Variants in TRABD2B observed in about 807,000 individuals in gnomAD.
TRABD2B encodes metalloprotease TIKI2.
A neutral mutation model predicts 40.1 loss-of-function variants in TRABD2B; 14 were observed. The observed-to-expected ratio is 0.35, with a 90% CI of 0.23 to 0.55. TRABD2B has a LOEUF of 0.55. Ranked by LOEUF, TRABD2B falls within the 20% of genes least tolerant of loss-of-function variation. TRABD2B has a pLI of 0.90. For missense variants in TRABD2B, 541 were observed against 648.6 expected (o/e 0.83, Z 1.80); for synonymous variants, 263 against 277.0 (o/e 0.95, Z 0.50).
At chr1:47,896,516 TG>T (rs1363725595) in intron 2 of TRABD2B, among the ~76,000 whole-genome samples, 1 of 151,812 alleles carries the variant, frequency 6.6e-6, no homozygotes, top group Non-Finnish European at 1.5e-5. Context: ...TGGTGGGAAG[TG>T]GGGATGGAAA....
At chr1:47,799,173 G>C (rs1011814964) in intron 3 of TRABD2B, among the ~76,000 whole-genome samples, 6 of 152,140 alleles carry the variant, frequency 3.9e-5, no homozygotes, top group African/African-American at 1.4e-4. Context: ...TCAGCTTAGG[G>C]TCAGCCACAG....
chr1:47,775,540 G>GA lies in TRABD2B; in HGVS notation c.1080-102dup, dbSNP rs1479601816. On this transcript the variant is annotated intron_variant, in intron 5 of 6. Transcript: ENST00000606738. ...TCAGTGGGAGTTTGTCATGGCAGGA[G>GA]AAAGTGCCAGGGTGCCCCTGCTGGG... 4 of 1,168,998 alleles carry GA rather than the reference G, an allele frequency of 3.4e-6. No homozygotes were observed. The African/African-American group carries it at 6.3e-5, about 18-fold the overall frequency. 72.4% of individuals were successfully genotyped at this position (1,168,998 alleles called of 1,614,324 possible). A position where few individuals can be genotyped will look rare whatever the true frequency, so the allele number is the denominator to read the frequency against.
At chr1:47,775,823 C>G (rs1456311223) in intron 5 of TRABD2B, among the ~76,000 whole-genome samples, 2 of 152,004 alleles carry the variant, frequency 1.3e-5, no homozygotes, top group Admixed American at 1.3e-4. Flanking sequence ...GAAACAGAGA[C>G]AGGTGTGAGA....
At chr1:47,973,484 T>C (rs779858639) in intron 2 of TRABD2B, among the ~76,000 whole-genome samples, 35 of 152,214 alleles carry the variant, frequency 2.3e-4, no homozygotes, top group African/African-American at 2.7e-4. Flanking sequence ...ATGAACCACA[T>C]AGTACTTGAA....
chr1:47,949,471 G>A (rs1467492966), intron 2 of TRABD2B, among the ~76,000 whole-genome samples: 2 of 143,254 alleles, frequency 1.4e-5, no homozygotes, highest in Non-Finnish European at 3.0e-5. Context: ...GCAGTGGTGC[G>A]ATCTTGTCTC....
intron 2 of TRABD2B, among the ~76,000 whole-genome samples, chr1:47,894,661 T>C (rs1475227419): frequency 2.6e-5 from 4 of 152,148 alleles, no homozygotes; most frequent in African/African-American, 4.8e-5. Context: ...TGGGACCAAG[T>C]CATTGTGTCA....
At chr1:47,895,537 C>A (rs1410136281) in intron 2 of TRABD2B, among the ~76,000 whole-genome samples, 1 of 152,180 alleles carries the variant, frequency 6.6e-6, no homozygotes, top group Non-Finnish European at 1.5e-5. Context: ...TCTCGCTTCC[C>A]CAAGGACCAG....
intron 6 of TRABD2B, among the ~76,000 whole-genome samples, chr1:47,771,024 T>TA (rs1644370850): frequency 6.6e-6 from 1 of 152,234 alleles, no homozygotes. Context: ...TGTCTGTTTT[T>TA]ATTCATTGGA....
intron 4 of TRABD2B, among the ~76,000 whole-genome samples, chr1:47,792,188 C>A (rs760250598): frequency 6.6e-6 from 1 of 152,210 alleles, no homozygotes; most frequent in Non-Finnish European, 1.5e-5. Flanking sequence ...TCCCTTTGCC[C>A]TGACTTTACT....
intron 2 of TRABD2B, among the ~76,000 whole-genome samples, chr1:47,821,091 G>A (rs11581481): frequency 0.024 from 3,601 of 152,266 alleles, 113 homozygotes; most frequent in Admixed American, 0.094. Context: ...CCTGCAACAT[G>A]AGCACAGGCT....
intron 2 of TRABD2B, among the ~76,000 whole-genome samples, chr1:47,848,440 C>A (rs1193973612): frequency 6.6e-6 from 1 of 152,176 alleles, no homozygotes; most frequent in African/African-American, 2.4e-5. Context: ...CAGAACTAGA[C>A]CCTGCTCACA....
At position 47,794,751 on chromosome 1, in the gene TRABD2B, A is replaced by T. The variant is rs2124223270; in HGVS notation, c.823T>A (p.Phe275Ile). 6.6e-7 allele frequency: 1 copy of T among 1,521,770 alleles called. No homozygotes were observed. The highest frequency in any genetic ancestry group is 2.5e-5 in the East Asian group (1 of 40,278). 94.3% of individuals were successfully genotyped at this position (1,521,770 alleles called of 1,614,324 possible). ...TGTGGCGGGAGGGTGGTGTTGATAAAGTTGGGCAGCTGCAAAGGCAAGACA... is the reference window on the plus strand; with the variant it reads ...TGTGGCGGGAGGGTGGTGTTGATAATGTTGGGCAGCTGCAAAGGCAAGACA... ...FNHDTSQLPN[F>I]INTTLPPHEQ... The change falls in exon 4 of 7, where the codon TTT (phenylalanine) becomes ATT (isoleucine). Residue 275 changes from phenylalanine (F) to isoleucine (I), a missense_variant. Phe to Ile is a conservative substitution (Grantham distance 21). Around this residue, in one of 2 missense-constraint regions of TRABD2B, gnomAD observed 369 missense variants for 492.8 expected, o/e 0.75. Transcript: ENST00000606738.
chr1:47,985,194 G>A (rs1286543185), intron 2 of TRABD2B, among the ~76,000 whole-genome samples: 3 of 152,234 alleles, frequency 2.0e-5, no homozygotes, highest in Non-Finnish European at 4.4e-5. Flanking sequence ...GGAACTGAAG[G>A]AGCACTGGGC....
At chr1:47,777,045 C>T (rs2124071899) in intron 5 of TRABD2B, among the ~76,000 whole-genome samples, 1 of 152,280 alleles carries the variant, frequency 6.6e-6, no homozygotes, top group Non-Finnish European at 1.5e-5. Context: ...GGCTGAGAGT[C>T]CTTGGAGCAG....
intron 2 of TRABD2B, among the ~76,000 whole-genome samples, chr1:47,966,153 G>C (rs1645599559): frequency 1.3e-5 from 2 of 152,172 alleles, no homozygotes; most frequent in African/African-American, 4.8e-5. Context: ...CAGGGAGGTG[G>C]CAGGGCTGTG....
At chr1:47,782,136 C>T (rs1419322039) in intron 4 of TRABD2B, among the ~76,000 whole-genome samples, 2 of 152,140 alleles carry the variant, frequency 1.3e-5, no homozygotes, top group Non-Finnish European at 2.9e-5. Flanking sequence ...ACCTACTGGG[C>T]ATCTCCACCT....
chr1:47,913,738 G>A (rs1226191442), intron 2 of TRABD2B, among the ~76,000 whole-genome samples: 1 of 152,162 alleles, frequency 6.6e-6, no homozygotes, highest in African/African-American at 2.4e-5. Flanking sequence ...CAAGAGAAGA[G>A]CAGCCATGTC....
chr1:47,956,258 T>C (rs919955230), intron 2 of TRABD2B, among the ~76,000 whole-genome samples: 1 of 152,066 alleles, frequency 6.6e-6, no homozygotes. Context: ...GATGGCCAAA[T>C]AGGAACAGCT....
chr1:47,859,129 C>T (rs1423341108), intron 2 of TRABD2B, among the ~76,000 whole-genome samples: 3 of 152,196 alleles, frequency 2.0e-5, no homozygotes, highest in Admixed American at 6.5e-5. Flanking sequence ...TTCTGGGACA[C>T]AAAGCTGCCC....
Sources: gnomAD v4.1 joint callset for allele counts (sites outside exome capture counted in the v4.1 genomes callset) on GRCh38, gnomAD v4.1.1 for gene constraint, gnomAD v4.1.1 regional missense constraint, MANE v1.5 for transcripts, NCBI Gene and HGNC (gene_info 2026-07-23, HGNC 2026-07-21) for gene names.